EYA2: variants seen among roughly 807,000 people sequenced by gnomAD.
EYA2 encodes the protein protein phosphatase EYA2.
A neutral mutation model predicts 69.2 loss-of-function variants in EYA2; 31 were observed. That is an observed-to-expected ratio of 0.45 (90% CI 0.34 to 0.60). EYA2 has a LOEUF of 0.60. Among genes scored for constraint, EYA2 ranks in the 20% least tolerant of loss-of-function variants. The probability of loss-of-function intolerance (pLI) is 0.02; values close to 1 mark genes in which losing one functional copy is unlikely to be tolerated. For missense variants in EYA2, 622 were observed against 701.2 expected (o/e 0.89, Z 1.28); for synonymous variants, 257 against 279.4 (o/e 0.92, Z 0.80).
chr20:46,925,466 G>A (rs1985375270), intron 1 of EYA2, among the ~76,000 whole-genome samples: 1 of 152,202 alleles, frequency 6.6e-6, no homozygotes, highest in Non-Finnish European at 1.5e-5. Context: ...GCATAGGAAA[G>A]AGAGTTCCTA....
At chr20:47,004,350 C>T (rs1398462394) in intron 3 of EYA2, among the ~76,000 whole-genome samples, 2 of 152,204 alleles carry the variant, frequency 1.3e-5, no homozygotes, top group Non-Finnish European at 2.9e-5. Flanking sequence ...AAGAGCAGGA[C>T]ATCTTGATTG....
chr20:47,186,209 A>C (rs781173827), intron 15 of EYA2, among the ~76,000 whole-genome samples: 1 of 152,142 alleles, frequency 6.6e-6, no homozygotes, highest in Non-Finnish European at 1.5e-5. Context: ...TGAAAGCCCC[A>C]TAAGTGTTTG....
At chr20:47,120,559 G>A (rs1323684606) in intron 9 of EYA2, among the ~76,000 whole-genome samples, 1 of 152,182 alleles carries the variant, frequency 6.6e-6, no homozygotes, top group Admixed American at 6.5e-5. Flanking sequence ...CATGGTGTCT[G>A]TTGTGACATT....
At chr20:47,095,464 A>T (rs2032221001) in intron 8 of EYA2, among the ~76,000 whole-genome samples, 1 of 152,146 alleles carries the variant, frequency 6.6e-6, no homozygotes, top group African/African-American at 2.4e-5. Context: ...AGAAAGATGC[A>T]AGTCATTGGG....
At chr20:47,180,793 C>A in intron 13 of EYA2, 22 bp from the exon 14 acceptor site, 1 of 1,611,948 alleles carries the variant, frequency 6.2e-7, no homozygotes, top group South Asian at 1.1e-5. Flanking sequence ...GAGTTCTGAT[C>A]CACAGTCTCC....
chr20:47,060,218 T>C (rs556403662), intron 5 of EYA2, among the ~76,000 whole-genome samples: 1 of 152,350 alleles, frequency 6.6e-6, no homozygotes, highest in South Asian at 2.1e-4. Context: ...ATCACGTTCA[T>C]TGTGTATTTA....
At chr20:47,135,827 AAAAAAAAAAAAAAACAAACAAACAAAC>A (rs1431484114) in intron 9 of EYA2, among the ~76,000 whole-genome samples, 1,934 of 87,440 alleles carry the variant, frequency 0.022, 46 homozygotes, top group Non-Finnish European at 0.028. Flanking sequence ...ACAAAAAAAA[AAAAAAAAAAAAAAACAAACAAACAAAC>A]AAAAAACTAA....
At chr20:47,092,556 C>T (rs1214391270) in intron 8 of EYA2, among the ~76,000 whole-genome samples, 4 of 152,190 alleles carry the variant, frequency 2.6e-5, no homozygotes, top group Admixed American at 6.5e-5. Flanking sequence ...TATTCCCTCC[C>T]CACAAGAAAA....
intron 1 of EYA2, among the ~76,000 whole-genome samples, chr20:46,944,668 T>C (rs538686947): frequency 3.3e-5 from 5 of 152,252 alleles, no homozygotes; most frequent in East Asian, 2.0e-4. Context: ...ATTCCTGTTT[T>C]GAAAATGTTT....
chr20:47,007,133 T>C (rs73622692), intron 4 of EYA2, among the ~76,000 whole-genome samples: 5,173 of 152,226 alleles, frequency 0.034, 423 homozygotes, highest in East Asian at 0.3. Flanking sequence ...GGTTTTGCCA[T>C]GTTGGCCAAG....
At position 47,097,185 on chromosome 20, in the gene EYA2, T is replaced by A. The variant is rs761598126; in HGVS notation, c.888+17T>A. 2.0e-6 allele frequency: 3 copies of A among 1,532,016 alleles called. No individual in the cohort carries two copies. The highest frequency in any genetic ancestry group is 2.7e-6 in the Non-Finnish European group (3 of 1,117,836). The allele number at this position is 1,532,016 out of a possible 1,614,324, so 94.9% of individuals were successfully genotyped here. Reference sequence around the variant, plus strand: ...TACGGGAAGGTAAGAATCCATTTTGTCTCTCTCTCTCTTTTTTTGTTTTCA... The same window carrying A: ...TACGGGAAGGTAAGAATCCATTTTGACTCTCTCTCTCTTTTTTTGTTTTCA... On this transcript the variant is annotated intron_variant, in intron 9 of 15. Transcript: ENST00000327619.
chr20:47,041,829 T>C (rs1186548101), intron 5 of EYA2, among the ~76,000 whole-genome samples: 2 of 151,662 alleles, frequency 1.3e-5, no homozygotes, highest in Non-Finnish European at 2.9e-5. Flanking sequence ...CCACCTCCAC[T>C]ATTATTTGAT....
At chr20:47,139,944 T>G (rs1362304782) in intron 9 of EYA2, among the ~76,000 whole-genome samples, 1 of 152,220 alleles carries the variant, frequency 6.6e-6, no homozygotes, top group Non-Finnish European at 1.5e-5. Flanking sequence ...ATTTGCCTTC[T>G]TACAACTATA....
chr20:46,925,302 C>G lies in EYA2; in HGVS notation c.-11+30315C>G, dbSNP rs562468811. 1.2e-4 allele frequency among the ~76,000 whole-genome samples: 18 copies of G among 152,304 alleles called. No homozygotes were observed. In the South Asian group the frequency reaches 3.7e-3, roughly 32 times the overall value. The stretch of plus-strand genomic sequence containing the variant: ...CATAGCAGAAGTTTACTCAAGCACT[C>G]AAGGGCTAGGAAAGAAAAGATTCAT... On this transcript the variant is annotated intron_variant, in intron 1 of 15. Transcript: ENST00000327619.
At chr20:47,130,261 C>CTTTTTTTGTTTTTTTTTTTTTTTTT (rs2033306007) in intron 9 of EYA2, among the ~76,000 whole-genome samples, 1 of 81,260 alleles carries the variant, frequency 1.2e-5, no homozygotes, top group African/African-American at 5.8e-5. Flanking sequence ...GGTTTATTTT[C>CTTTTTTTGTTTTTTTTTTTTTTTTT]TTTTTTTTTT....
At chr20:47,005,697 CAG>C (rs1394305502) in intron 4 of EYA2, among the ~76,000 whole-genome samples, 2 of 152,212 alleles carry the variant, frequency 1.3e-5, no homozygotes, top group African/African-American at 2.4e-5. Flanking sequence ...TAAAGGAAAA[CAG>C]AGTGGTAGTA....
chr20:47,065,632 GA>G (rs1309622692), intron 5 of EYA2, among the ~76,000 whole-genome samples: 1 of 152,142 alleles, frequency 6.6e-6, no homozygotes, highest in Non-Finnish European at 1.5e-5. Context: ...TTAAAAGCGT[GA>G]TTTTTTTATT....
chr20:47,117,541 T>A, intron 9 of EYA2: 1 of 985,392 alleles, frequency 1.0e-6, no homozygotes, highest in Non-Finnish European at 1.2e-6. Flanking sequence ...CGGCTTGGAT[T>A]CCGGAATCCA....
At chr20:46,999,480 A>T (rs1337991557) in intron 2 of EYA2, among the ~76,000 whole-genome samples, 1 of 152,158 alleles carries the variant, frequency 6.6e-6, no homozygotes, top group East Asian at 1.9e-4. Context: ...ACATGATGCG[A>T]AATATATTTC....
Sources: allele counts gnomAD v4.1 joint callset (sites outside exome capture counted in the v4.1 genomes callset), GRCh38; gene constraint gnomAD v4.1.1; transcripts MANE v1.5; gene names NCBI Gene and HGNC (gene_info 2026-07-23, HGNC 2026-07-21).